The following ACTN2 variants were observed in gnomAD, a reference collection of about 807,000 sequenced individuals.
The protein encoded by ACTN2 is alpha-actinin-2.
A neutral mutation model predicts 113.8 loss-of-function variants in ACTN2; 39 were observed. The observed-to-expected ratio is 0.34, with a 90% CI of 0.27 to 0.45. The LOEUF (loss-of-function observed/expected upper bound fraction) is 0.45. Among genes scored for constraint, ACTN2 ranks in the 20% least tolerant of loss-of-function variants. The pLI is 1.00. For missense variants in ACTN2, 992 were observed against 1,177.9 expected, an observed-to-expected ratio of 0.84 and a Z score of 2.31; for synonymous variants, 429 against 444.1, an observed-to-expected ratio of 0.97 and a Z score of 0.43.
In ACTN2 at chr1:236,722,895, T is replaced by G. The variant is rs1658440111; in HGVS notation, c.448+2704T>G. Among the ~76,000 whole-genome samples, 4 of 152,318 alleles carry G rather than the reference T, an allele frequency of 2.6e-5. 1 individual carries two copies. In the South Asian group the frequency reaches 8.3e-4, roughly 32 times the overall value. On this transcript the variant is annotated intron_variant, in intron 4 of 20. Coordinates refer to ENST00000366578, the MANE Select transcript of ACTN2 (RefSeq NM_001103.4). Reference sequence around the variant, plus strand: ...TAGGTTTTCCAGTAATGTACGTAATTCACACAAGGTTGTTAACCTTTTGCT... The same window carrying G: ...TAGGTTTTCCAGTAATGTACGTAATGCACACAAGGTTGTTAACCTTTTGCT...
chr1:236,702,538 A>G (rs140552925), intron 1 of ACTN2, among the ~76,000 whole-genome samples: 94 of 152,298 alleles, frequency 6.2e-4, no homozygotes, highest in African/African-American at 2.1e-3. Flanking sequence ...AGAAGCATCT[A>G]TTTATGTATT....
intron 5 of ACTN2, 129 bp downstream of exon 5, chr1:236,726,149 G>A: frequency 1.2e-6 from 1 of 829,528 alleles, no homozygotes; most frequent in Non-Finnish European, 2.1e-6. Flanking sequence ...GAGAACTCAG[G>A]CTGTAGAATT....
chr1:236,742,518 G>A (rs570242240), intron 10 of ACTN2, among the ~76,000 whole-genome samples: 56 of 151,904 alleles, frequency 3.7e-4, no homozygotes, highest in African/African-American at 1.4e-3. Context: ...CAGCAACATA[G>A]CGAGACTCCA....
At chr1:236,761,242 A>G in intron 20 of ACTN2, 69 bp downstream of exon 20, 1 of 1,587,998 alleles carries the variant, frequency 6.3e-7, no homozygotes, top group Non-Finnish European at 8.6e-7. Context: ...AAAAGGCAAC[A>G]GTGTTGTAAA....
intron 4 of ACTN2, among the ~76,000 whole-genome samples, chr1:236,721,349 CAACAAACAT>C (rs1187671745): frequency 6.6e-6 from 1 of 151,974 alleles, no homozygotes; most frequent in Non-Finnish European, 1.5e-5. Context: ...ACTCATCAAC[CAACAAACAT>C]TAAGAAACAA....
intron 1 of ACTN2, among the ~76,000 whole-genome samples, chr1:236,703,822 G>A (rs1657746970): frequency 6.6e-6 from 1 of 152,122 alleles, no homozygotes; most frequent in Non-Finnish European, 1.5e-5. Flanking sequence ...GAGGATTAAA[G>A]ACAGGTAGAG....
intron 7 of ACTN2, among the ~76,000 whole-genome samples, chr1:236,733,795 G>C (rs911271122): frequency 6.6e-6 from 1 of 152,036 alleles, no homozygotes; most frequent in African/African-American, 2.4e-5. Context: ...TTGCCTTCCC[G>C]TCTGCTGCCA....
chr1:236,696,905 G>A (rs568578433), intron 1 of ACTN2, among the ~76,000 whole-genome samples: 31 of 152,164 alleles, frequency 2.0e-4, no homozygotes, highest in African/African-American at 7.0e-4. Flanking sequence ...CTCGTGATCC[G>A]TCCACCTTGG....
intron 7 of ACTN2, among the ~76,000 whole-genome samples, chr1:236,734,116 G>C (rs1658794461): frequency 6.6e-6 from 1 of 152,142 alleles, no homozygotes. Context: ...TGAGTGTGCT[G>C]GTGTGTGCAC....
chr1:236,737,536 C>G, intron 9 of ACTN2, among the ~76,000 whole-genome samples: 1 of 117,788 alleles, frequency 8.5e-6, no homozygotes, highest in South Asian at 2.8e-4. Flanking sequence ...CCTAGACGAC[C>G]TTGGGTTACT....
rs370908799 is a variant in ACTN2, at chr1:236,753,999, G to T, written c.1892G>T (p.Arg631Leu). The stretch of plus-strand genomic sequence containing the variant: ...CAATCCCTGCAGGAGGAGCTGGCTC[G>T]CCAGCATGCTAACGAGCGTCTGAGG... Reference protein sequence around the residue: ...RDQSLQEELARQHANERLRRQ... With the variant: ...RDQSLQEELALQHANERLRRQ... Residue 631 changes from arginine to leucine, a missense_variant, in exon 16 of 21, where the codon CGC becomes CTC. Arg to Leu is a moderately radical substitution (Grantham distance 102). Transcript: ENST00000366578. 12 of 1,614,170 alleles carry T rather than the reference G, an allele frequency of 7.4e-6. No individual in the cohort carries two copies. The highest frequency in any genetic ancestry group is 1.0e-5 in the Non-Finnish European group (12 of 1,180,036).
chr1:236,702,680 C>T (rs749711421), intron 1 of ACTN2, among the ~76,000 whole-genome samples: 12 of 152,184 alleles, frequency 7.9e-5, no homozygotes, highest in South Asian at 2.1e-4. Context: ...TGATTCCCTC[C>T]GGTGTGGAGT....
intron 12 of ACTN2, among the ~76,000 whole-genome samples, chr1:236,747,109 G>A (rs1005050988): frequency 6.6e-6 from 1 of 152,186 alleles, no homozygotes; most frequent in Admixed American, 6.5e-5. Context: ...TAGGGACATT[G>A]CCACTTAGAA....
At chr1:236,727,027 T>A (rs759790920) in intron 5 of ACTN2, among the ~76,000 whole-genome samples, 1 of 152,244 alleles carries the variant, frequency 6.6e-6, no homozygotes, top group Non-Finnish European at 1.5e-5. Context: ...CACACTCTGC[T>A]GTCACTGAAC....
rs755700675 is a variant in ACTN2, at chr1:236,751,455, G to A, written c.1657-15G>A. ...CAAGCCACATTGTTTTTCTCCACTT[G>A]TGTCTCGGGTGTAGAGTCTGATCAC... On this transcript the variant is annotated splice_polypyrimidine_tract_variant and intron_variant, in intron 14 of 20. Transcript: ENST00000366578. The A allele has an allele frequency of 3.7e-6, 6 of 1,613,820 alleles. No homozygotes were observed. The South Asian group carries it at 6.6e-5, about 18-fold the overall frequency.
intron 1 of ACTN2, among the ~76,000 whole-genome samples, chr1:236,713,320 C>T (rs962666686): frequency 6.6e-5 from 10 of 152,036 alleles, no homozygotes; most frequent in East Asian, 1.9e-4. Context: ...CTCTGCCTCC[C>T]GGGTTCAAGC....
Position 236,737,963 on chromosome 1 carries a change from A to G in ACTN2, c.876+749A>G, listed in dbSNP as rs114763235. On this transcript the variant is annotated intron_variant, in intron 9 of 20. Coordinates refer to ENST00000366578, the MANE Select transcript of ACTN2 (RefSeq NM_001103.4). ...ATTGGACTCAAGTACAGTGACACAT[A>G]CTTCAGACCAAATAATTTTTGCCAA... is the stretch of plus-strand genomic sequence containing the variant. Among the ~76,000 whole-genome samples the G allele has an allele frequency of 2.4e-3, 359 of 152,264 alleles. 2 individuals are homozygous for G. Among genetic ancestry groups the G allele is most frequent in the Non-Finnish European group, 4.3e-3 (290 of 68,026 alleles).
intron 1 of ACTN2, among the ~76,000 whole-genome samples, chr1:236,703,307 G>A (rs986367899): frequency 6.6e-6 from 1 of 152,118 alleles, no homozygotes; most frequent in Non-Finnish European, 1.5e-5. Flanking sequence ...GTGCCAGCCT[G>A]GGGGAGGCAG....
At chr1:236,690,507 C>A (rs1666042895) in intron 1 of ACTN2, among the ~76,000 whole-genome samples, 1 of 152,210 alleles carries the variant, frequency 6.6e-6, no homozygotes, top group South Asian at 2.1e-4. Flanking sequence ...GTCTCAATTT[C>A]TTCACCTAGA....
Sources: gnomAD v4.1 joint callset for allele counts (sites outside exome capture counted in the v4.1 genomes callset) on GRCh38, gnomAD v4.1.1 for gene constraint, MANE v1.5 for transcripts, NCBI Gene and HGNC (gene_info 2026-07-23, HGNC 2026-07-21) for gene names.